The following ERBB4 variants were observed in gnomAD, a reference collection of about 807,000 sequenced individuals.
The protein encoded by ERBB4 is receptor tyrosine-protein kinase erbB-4.
ERBB4 carries 42 observed loss-of-function variants against 158.0 expected under a neutral mutation model. That is an observed-to-expected ratio of 0.27 (90% CI 0.21 to 0.34). The LOEUF is 0.34. Ranked by LOEUF, ERBB4 falls within the 10% of genes least tolerant of loss-of-function variation. The pLI, the probability that ERBB4 is intolerant of heterozygous loss-of-function variation, is 1.00. For missense variants in ERBB4, 1,333 were observed against 1,624.1 expected (o/e 0.82, Z 3.08); for synonymous variants, 583 against 558.7 (o/e 1.04, Z -0.61).
chr2:211,396,600 T>A (rs2062924658), intron 25 of ERBB4, among the ~76,000 whole-genome samples: 1 of 152,164 alleles, frequency 6.6e-6, no homozygotes, highest in African/African-American at 2.4e-5. Context: ...GCGCACGGTT[T>A]GTGTATTGGA....
chr2:212,244,412 G>A (rs2084235540), intron 1 of ERBB4, among the ~76,000 whole-genome samples: 1 of 152,050 alleles, frequency 6.6e-6, no homozygotes, highest in Non-Finnish European at 1.5e-5. Context: ...CTGTGATCTT[G>A]CCTTTGAAAA....
chr2:212,518,933 T>C (rs1027517267), intron 1 of ERBB4, among the ~76,000 whole-genome samples: 3 of 151,956 alleles, frequency 2.0e-5, no homozygotes, highest in Non-Finnish European at 2.9e-5. Flanking sequence ...TTCACAGTCC[T>C]GAGACTACTC....
chr2:212,384,290 C>T (rs2090603074), intron 1 of ERBB4, among the ~76,000 whole-genome samples: 1 of 151,624 alleles, frequency 6.6e-6, no homozygotes, highest in South Asian at 2.1e-4. Flanking sequence ...AGATTTTTAG[C>T]AGTGACTTAA....
intron 1 of ERBB4, among the ~76,000 whole-genome samples, chr2:212,291,153 C>T (rs769878053): frequency 6.6e-6 from 1 of 152,086 alleles, no homozygotes; most frequent in South Asian, 2.1e-4. Context: ...CAAGTCATAA[C>T]ACCCATATCT....
At chr2:212,138,360 T>C (rs957820025) in intron 1 of ERBB4, among the ~76,000 whole-genome samples, 8 of 152,190 alleles carry the variant, frequency 5.3e-5, no homozygotes, top group African/African-American at 1.9e-4. Flanking sequence ...AGAAATATCA[T>C]ACCTTATGCT....
intron 12 of ERBB4, among the ~76,000 whole-genome samples, chr2:211,701,413 G>A (rs1334003093): frequency 6.6e-6 from 1 of 152,078 alleles, no homozygotes. Flanking sequence ...AAATGCCCAG[G>A]TCTTACTTAG....
chr2:212,135,285 T>C (rs2080238114), intron 1 of ERBB4, among the ~76,000 whole-genome samples: 1 of 152,148 alleles, frequency 6.6e-6, no homozygotes, highest in African/African-American at 2.4e-5. Flanking sequence ...AAAACTGATG[T>C]ACCTCAAAAT....
intron 20 of ERBB4, among the ~76,000 whole-genome samples, chr2:211,469,159 C>G (rs1457792946): frequency 6.6e-6 from 1 of 152,134 alleles, no homozygotes; most frequent in Admixed American, 6.5e-5. Context: ...GCTTGCCTGT[C>G]ATGCTTCACC....
intron 1 of ERBB4, among the ~76,000 whole-genome samples, chr2:212,139,868 C>G (rs1012103386): frequency 2.0e-5 from 3 of 151,836 alleles, no homozygotes; most frequent in African/African-American, 7.2e-5. Flanking sequence ...CCGAACATGA[C>G]TCATTTTCAG....
Position 212,336,438 on chromosome 2 carries a change from C to A in ERBB4, c.82+202011G>T, listed in dbSNP as rs149348744. On this transcript the variant is annotated intron_variant, in intron 1 of 27. Coordinates refer to ENST00000342788, the MANE Select transcript of ERBB4 (RefSeq NM_005235.3). ...TTTTTCTTCCAGAAACAAAACTCTGCCAATTATATATTGAAAGCTCATAAG... is the reference window on the plus strand; with the variant it reads ...TTTTTCTTCCAGAAACAAAACTCTGACAATTATATATTGAAAGCTCATAAG... Among the ~76,000 whole-genome samples the A allele has an allele frequency of 3.3e-3, 504 of 152,062 alleles. 3 individuals are homozygous for A. Among genetic ancestry groups the A allele is most frequent in the African/African-American group, 0.011 (472 of 41,532 alleles).
intron 1 of ERBB4, among the ~76,000 whole-genome samples, chr2:212,185,108 C>A (rs1298081090): frequency 6.6e-6 from 1 of 150,876 alleles, no homozygotes; most frequent in Non-Finnish European, 1.5e-5. Context: ...GCAACCTACG[C>A]TTCCCTGGTT....
intron 1 of ERBB4, among the ~76,000 whole-genome samples, chr2:212,381,021 A>G (rs2090485674): frequency 6.6e-6 from 1 of 151,376 alleles, no homozygotes; most frequent in African/African-American, 2.4e-5. Context: ...TTGTTTTTCC[A>G]TAATTTAGAA....
In ERBB4 at chr2:211,548,608, G is replaced by A. The variant is rs188234089; in HGVS notation, c.2487+13295C>T. ...CTGGATGCCAGTTAATCTGAACTGG[G>A]ATATCAGGGTGGCAGAGCAGTTATG... On this transcript the variant is annotated intron_variant, in intron 20 of 27. Coordinates refer to ENST00000342788, the MANE Select transcript of ERBB4 (RefSeq NM_005235.3). Among the ~76,000 whole-genome samples the A allele has an allele frequency of 1.4e-4, 22 of 152,104 alleles. No individual in the cohort carries two copies. The East Asian group carries it at 3.9e-3, about 27-fold the overall frequency.
rs528625532 is a variant in ERBB4, at chr2:211,853,794, C to T, written c.422-65635G>A. Among the ~76,000 whole-genome samples, 102 of 152,104 alleles carry T rather than the reference C, an allele frequency of 6.7e-4. 1 individual carries two copies. Among genetic ancestry groups the T allele is most frequent in the Non-Finnish European group, 2.6e-4 (18 of 67,934 alleles). The stretch of plus-strand genomic sequence containing the variant: ...TGATAGACAATAATCCAATTAGTTA[C>T]ATTTTACCACAATTTGTCAACATGT... On this transcript the variant is annotated intron_variant, in intron 3 of 27. Coordinates refer to ENST00000342788, the MANE Select transcript of ERBB4 (RefSeq NM_005235.3).
At chr2:212,105,655 A>T (rs2079204226) in intron 2 of ERBB4, among the ~76,000 whole-genome samples, 1 of 152,240 alleles carries the variant, frequency 6.6e-6, no homozygotes, top group Non-Finnish European at 1.5e-5. Context: ...GAATATGACA[A>T]TTATGAAAAC....
chr2:212,018,265 C>G (rs2076571606), intron 2 of ERBB4, among the ~76,000 whole-genome samples: 1 of 152,166 alleles, frequency 6.6e-6, no homozygotes, highest in Non-Finnish European at 1.5e-5. Flanking sequence ...TTCAATAATT[C>G]TCTCACCTTT....
chr2:212,480,090 T>C (rs893967114), intron 1 of ERBB4, among the ~76,000 whole-genome samples: 2 of 152,182 alleles, frequency 1.3e-5, no homozygotes, highest in Non-Finnish European at 2.9e-5. Flanking sequence ...ATGAAGAACT[T>C]ATTTTCAACT....
In ERBB4 at chr2:211,799,728, A is replaced by G. The variant is rs1221824425; in HGVS notation, c.422-11569T>C. On this transcript the variant is annotated intron_variant, in intron 3 of 27. Coordinates refer to ENST00000342788, the MANE Select transcript of ERBB4 (RefSeq NM_005235.3). ...AAGGAGAAAATGAGTTATCATATGT[A>G]TATGTTGACCACAGTGTCTGCCATG... Among the ~76,000 whole-genome samples the G allele has an allele frequency of 2.6e-5, 4 of 152,166 alleles. No homozygotes were observed. In the South Asian group the frequency reaches 6.2e-4, roughly 24 times the overall value.
intron 1 of ERBB4, among the ~76,000 whole-genome samples, chr2:212,448,645 G>A (rs1015774344): frequency 6.6e-6 from 1 of 152,080 alleles, no homozygotes; most frequent in African/African-American, 2.4e-5. Context: ...ATCAGGCATG[G>A]AGATTCTATA....
Sources: allele counts gnomAD v4.1 joint callset (sites outside exome capture counted in the v4.1 genomes callset), GRCh38; gene constraint gnomAD v4.1.1; transcripts MANE v1.5; gene names NCBI Gene and HGNC (gene_info 2026-07-23, HGNC 2026-07-21).